The following RNF224 variants were observed in gnomAD, a reference collection of about 807,000 sequenced individuals.
RNF224 encodes ring finger protein 224.
Under a neutral mutation model 2.9 loss-of-function variants are expected in RNF224, and 1 was observed. The ratio of observed to expected loss-of-function variants is 0.35; its 90% confidence interval spans 0.12 to 1.66. The LOEUF is 1.66. Among genes scored for constraint, RNF224 ranks in the 40% most tolerant of loss-of-function variants. The pLI is 0.35. For missense variants in RNF224, 254 were observed against 221.8 expected (o/e 1.15, Z -0.92); for synonymous variants, 116 against 97.6 (o/e 1.19, Z -1.11).
In RNF224 at chr9:137,227,709, G is replaced by C. The variant is rs1320833582; in HGVS notation, c.-337G>C. On this transcript the variant is annotated 5_prime_UTR_variant, in exon 1 of 3. Coordinates refer to ENST00000445101, the MANE Select transcript of RNF224 (RefSeq NM_001190228.2). ...CGCCACCTGGAGTCCATGTGGACTG[G>C]TGCAGCCCTCTGCCGTCCAGCCGGC... 6.6e-6 allele frequency: 1 copy of C among 152,248 alleles called. No homozygotes were observed. The highest frequency in any genetic ancestry group is 1.5e-5 in the Non-Finnish European group (1 of 68,056). The allele number at this position is 152,248 out of a possible 1,614,324, so 9.4% of individuals were successfully genotyped here. A position where few individuals can be genotyped will look rare whatever the true frequency, so the allele number is the denominator to read the frequency against.
chr9:137,229,029 C>T lies in RNF224; in HGVS notation c.414C>T (p.Tyr138=). 6.5e-7 allele frequency: 1 copy of T among 1,535,016 alleles called. No individual in the cohort carries two copies. The highest frequency in any genetic ancestry group is 8.7e-7 in the Non-Finnish European group (1 of 1,146,284). Reference sequence around the variant, plus strand: ...AGCCCCACTTCCCCCAGCCCAGATACTGCTGCTGGGGCTGTGGCAGCCTCT... The same window carrying T: ...AGCCCCACTTCCCCCAGCCCAGATATTGCTGCTGGGGCTGTGGCAGCCTCT... The part of the protein sequence containing the change: ...GPQPHFPQPR[Y]CCWGCGSLCC... Residue 138 remains tyrosine (Y), a synonymous_variant, in exon 3 of 3, where the codon TAC becomes TAT. Coordinates refer to ENST00000445101, the MANE Select transcript of RNF224 (RefSeq NM_001190228.2).
chr9:137,228,986 G>A lies in RNF224; in HGVS notation c.371G>A (p.Cys124Tyr), dbSNP rs1010628476. 7 of 1,535,616 alleles carry A rather than the reference G, an allele frequency of 4.6e-6. No homozygotes were observed. The African/African-American group carries it at 9.6e-5, about 21-fold the overall frequency. The change falls in exon 3 of 3, where the codon TGC becomes TAC. Residue 124 changes from cysteine to tyrosine, a missense_variant. Transcript: ENST00000445101. ...ATCACTCGGCAGCCAGCTGGGCTGT[G>A]CCCTGCCCTGGGACCCCAGCCCCAC... Reference protein sequence around the residue: ...SAITRQPAGLCPALGPQPHFP... With the variant: ...SAITRQPAGLYPALGPQPHFP...
At position 137,228,996 on chromosome 9, in the gene RNF224, G is replaced by C; in HGVS notation, c.381G>C (p.Leu127=). Residue 127 remains leucine, a synonymous_variant, in exon 3 of 3, where the codon CTG becomes CTC. Transcript: ENST00000445101. ...TRQPAGLCPA[L]GPQPHFPQPR... ...AGCCAGCTGGGCTGTGCCCTGCCCTGGGACCCCAGCCCCACTTCCCCCAGC... is the reference window on the plus strand; with the variant it reads ...AGCCAGCTGGGCTGTGCCCTGCCCTCGGACCCCAGCCCCACTTCCCCCAGC... 2 of 1,535,454 alleles carry C rather than the reference G, an allele frequency of 1.3e-6. No homozygotes were observed. Among genetic ancestry groups the C allele is most frequent in the Non-Finnish European group, 1.7e-6 (2 of 1,146,636 alleles).
rs1836072533 is a variant in RNF224 at position 137,229,376 on chromosome 9, A to G, written c.*290A>G. On this transcript the variant is annotated 3_prime_UTR_variant, in exon 3 of 3. Transcript: ENST00000445101. ...TGCCTGGTGAGGACACTGCTGTCTGAGTGGGCGGCAAGCCTGGCTTGGGCC... is the reference window on the plus strand; with the variant it reads ...TGCCTGGTGAGGACACTGCTGTCTGGGTGGGCGGCAAGCCTGGCTTGGGCC... 2.1e-6 allele frequency: 1 copy of G among 481,208 alleles called. No individual in the cohort carries two copies. Among genetic ancestry groups the G allele is most frequent in the East Asian group, 3.6e-5 (1 of 27,884 alleles). The allele number at this position is 481,208 out of a possible 1,614,324, so 29.8% of individuals were successfully genotyped here.
chr9:137,227,533 A>T lies in RNF224; in HGVS notation c.-513A>T, dbSNP rs1188723001. 6.6e-6 allele frequency: 1 copy of T among 152,568 alleles called. No homozygotes were observed. The highest frequency in any genetic ancestry group is 1.5e-5 in the Non-Finnish European group (1 of 68,116). The allele number at this position is 152,568 out of a possible 1,614,324, so 9.5% of individuals were successfully genotyped here. On this transcript the variant is annotated 5_prime_UTR_variant, in exon 1 of 3. Coordinates refer to ENST00000445101, the MANE Select transcript of RNF224 (RefSeq NM_001190228.2). ...GCTCTGCCTGCAGTCTGGTGTGGAC[A>T]CACTGATCATACCTCCCGGAACCTG...
rs754997954 is a variant in RNF224 at position 137,227,551 on chromosome 9, G to A, written c.-495G>A. ...TGTGGACACACTGATCATACCTCCC[G>A]GAACCTGGGCCTCCCAGGGTGGCCT... is the stretch of plus-strand genomic sequence containing the variant. On this transcript the variant is annotated 5_prime_UTR_variant, in exon 1 of 3. Coordinates refer to ENST00000445101, the MANE Select transcript of RNF224 (RefSeq NM_001190228.2). The A allele has an allele frequency of 1.3e-5, 2 of 152,476 alleles. No homozygotes were observed. The highest frequency in any genetic ancestry group is 2.4e-5 in the African/African-American group (1 of 41,428). 9.4% of individuals were successfully genotyped at this position (152,476 alleles called of 1,614,324 possible).
At position 137,228,758 on chromosome 9, in the gene RNF224, G is replaced by A; in HGVS notation, c.143G>A (p.Cys48Tyr). The change falls in exon 3 of 3, where the codon TGC (cysteine) becomes TAC (tyrosine). Residue 48 changes from cysteine (C) to tyrosine (Y), a missense_variant. Transcript: ENST00000445101. ...PRRLYCGHTF[C>Y]QACVRRLDTP... ...CGCCTCTACTGTGGACACACCTTCT[G>A]CCAGGCGTGTGTGCGGCGGCTGGAC... 6.5e-7 allele frequency: 1 copy of A among 1,532,998 alleles called. No homozygotes were observed. The highest frequency in any genetic ancestry group is 1.2e-5 in the South Asian group (1 of 83,886). 95.0% of individuals were successfully genotyped at this position (1,532,998 alleles called of 1,614,324 possible).
At position 137,228,277 on chromosome 9, in the gene RNF224, G is replaced by C. The variant is rs936553153; in HGVS notation, c.-59G>C. 1.3e-6 allele frequency: 2 copies of C among 1,523,200 alleles called. No individual in the cohort carries two copies. The highest frequency in any genetic ancestry group is 1.2e-5 in the South Asian group (1 of 83,476). The allele number at this position is 1,523,200 out of a possible 1,614,324, so 94.4% of individuals were successfully genotyped here. On this transcript the variant is annotated 5_prime_UTR_variant, in exon 2 of 3. Transcript: ENST00000445101. ...CAGGAGGGAGCCGCAGGGCGCCCTG[G>C]GTCCCCCACTCCCTTCTCCGGCCAC... is the stretch of plus-strand genomic sequence containing the variant.
At position 137,228,238 on chromosome 9, in the gene RNF224, C is replaced by T; in HGVS notation, c.-98C>T. The T allele has an allele frequency of 8.0e-7, 1 of 1,246,370 alleles. No individual in the cohort carries two copies. The highest frequency in any genetic ancestry group is 2.1e-5 in the Admixed American group (1 of 48,380). The allele number at this position is 1,246,370 out of a possible 1,614,324, so 77.2% of individuals were successfully genotyped here. On this transcript the variant is annotated 5_prime_UTR_variant, in exon 2 of 3. Transcript: ENST00000445101. The stretch of plus-strand genomic sequence containing the variant: ...CCTCTCTCCTGACTCCCGTGCAAGG[C>T]CAGTAATGCAACCCAGGAGGGAGCC...
rs984942133 is a variant in RNF224, at chr9:137,228,195, G to C, written c.-141G>C. On this transcript the variant is annotated 5_prime_UTR_variant, in exon 2 of 3. Transcript: ENST00000445101. ...GTGGCTGAAACGGGAGCCCACGCCCGCCACAGCTGGCCACCTGCCTCTCTC... is the reference window on the plus strand; with the variant it reads ...GTGGCTGAAACGGGAGCCCACGCCCCCCACAGCTGGCCACCTGCCTCTCTC... 1.3e-6 allele frequency: 1 copy of C among 748,518 alleles called. No individual in the cohort carries two copies. The highest frequency in any genetic ancestry group is 3.0e-5 in the East Asian group (1 of 32,942). The allele number at this position is 748,518 out of a possible 1,614,324, so 46.4% of individuals were successfully genotyped here. A position where few individuals can be genotyped will look rare whatever the true frequency, so the allele number is the denominator to read the frequency against.
rs1362355055 is a variant in RNF224, at chr9:137,228,306, G to A, written c.-30G>A. ...CCCCACTCCCTTCTCCGGCCACCCC[G>A]TGGCTGTGCATAGCTGCCCAGCAGA... On this transcript the variant is annotated 5_prime_UTR_variant, in exon 2 of 3. In the 5' UTR this introduces an upstream ATG that the reference lacks. Transcript: ENST00000445101. The A allele has an allele frequency of 1.2e-5, 19 of 1,528,616 alleles. No individual in the cohort carries two copies. The highest frequency in any genetic ancestry group is 1.5e-5 in the Non-Finnish European group (17 of 1,143,710). The allele number at this position is 1,528,616 out of a possible 1,614,324, so 94.7% of individuals were successfully genotyped here.
Position 137,228,782 on chromosome 9 carries a change from A to G in RNF224, c.167A>G (p.Asp56Gly). 6.5e-7 allele frequency: 1 copy of G among 1,533,272 alleles called. No homozygotes were observed. The highest frequency in any genetic ancestry group is 8.7e-7 in the Non-Finnish European group (1 of 1,145,410). 95.0% of individuals were successfully genotyped at this position (1,533,272 alleles called of 1,614,324 possible). The part of the protein sequence containing the change: ...TFCQACVRRL[D>G]TPAPEQRWIP... ...TGCCAGGCGTGTGTGCGGCGGCTGG[A>G]CACACCGGCGCCCGAGCAGCGCTGG... The change falls in exon 3 of 3, where the codon GAC becomes GGC. Residue 56 changes from aspartate to glycine, a missense_variant. Asp to Gly is a moderately conservative substitution (Grantham distance 94). Coordinates refer to ENST00000445101, the MANE Select transcript of RNF224 (RefSeq NM_001190228.2).
Position 137,228,637 on chromosome 9 carries a change from G to A in RNF224, c.22G>A (p.Gly8Arg). 6.9e-7 allele frequency: 1 copy of A among 1,441,910 alleles called. No individual in the cohort carries two copies. Among genetic ancestry groups the A allele is most frequent in the Non-Finnish European group, 9.1e-7 (1 of 1,099,766 alleles). 89.3% of individuals were successfully genotyped at this position (1,441,910 alleles called of 1,614,324 possible). MQDAAAG[G>R]PPGLGGGGPP... ...CCTCTGGCAGGATGCTGCAGCCGGA[G>A]GGCCCCCAGGCCTCGGAGGAGGGGG... The change falls in exon 3 of 3, where the codon GGG (glycine) becomes AGG (arginine). Residue 8 changes from glycine (G) to arginine (R), a missense_variant. Gly to Arg is a moderately radical substitution (Grantham distance 125). Transcript: ENST00000445101.
In RNF224 at chr9:137,228,507, G is replaced by A. The variant is rs527486448; in HGVS notation, c.7-115G>A. The A allele has an allele frequency of 3.9e-5, 42 of 1,088,646 alleles. 2 individuals are homozygous for A. The South Asian group carries it at 4.7e-4, about 12-fold the overall frequency. 67.4% of individuals were successfully genotyped at this position (1,088,646 alleles called of 1,614,324 possible). A position where few individuals can be genotyped will look rare whatever the true frequency, so the allele number is the denominator to read the frequency against. ...GCCACGCTCCCTCCCAGGTCTGCAC[G>A]CACCACCCCCACAGACCCAGCGCCT... On this transcript the variant is annotated intron_variant, in intron 2 of 2. Transcript: ENST00000445101.
rs1367258652 is a variant in RNF224 at position 137,228,933 on chromosome 9, G to T, written c.318G>T (p.Leu106=). The part of the protein sequence containing the change: ...AEREPARLEP[L]PLTSLKGSAI... ...GGGAGCCGGCAAGACTAGAACCCCT[G>T]CCCCTCACCTCCCTCAAAGGCAGCG... The change falls in exon 3 of 3, where the codon CTG becomes CTT. Residue 106 remains leucine, a synonymous_variant. Coordinates refer to ENST00000445101, the MANE Select transcript of RNF224 (RefSeq NM_001190228.2). 3 of 1,535,736 alleles carry T rather than the reference G, an allele frequency of 2.0e-6. No homozygotes were observed. The highest frequency in any genetic ancestry group is 2.6e-6 in the Non-Finnish European group (3 of 1,146,824).
In RNF224 at chr9:137,228,664, C is replaced by A; in HGVS notation, c.49C>A (p.Pro17Thr). The A allele has an allele frequency of 6.8e-7, 1 of 1,461,238 alleles. No homozygotes were observed. Among genetic ancestry groups the A allele is most frequent in the Non-Finnish European group, 9.0e-7 (1 of 1,106,884 alleles). 90.5% of individuals were successfully genotyped at this position (1,461,238 alleles called of 1,614,324 possible). The part of the protein sequence containing the change: ...GGPPGLGGGG[P>T]PEERTDCIIC... The stretch of plus-strand genomic sequence containing the variant: ...GCCCCCAGGCCTCGGAGGAGGGGGG[C>A]CCCCGGAGGAGAGGACAGACTGCAT... Residue 17 changes from proline (P) to threonine (T), a missense_variant, in exon 3 of 3, where the codon CCC becomes ACC. Physicochemically the swap from Pro to Thr is conservative, Grantham distance 38. Coordinates refer to ENST00000445101, the MANE Select transcript of RNF224 (RefSeq NM_001190228.2).
chr9:137,228,786 AC>A lies in RNF224; in HGVS notation c.173del (p.Pro58ArgfsTer27). The A allele has an allele frequency of 6.5e-7, 1 of 1,533,594 alleles. No individual in the cohort carries two copies. Among genetic ancestry groups the A allele is most frequent in the Non-Finnish European group, 8.7e-7 (1 of 1,145,612 alleles). 95.0% of individuals were successfully genotyped at this position (1,533,594 alleles called of 1,614,324 possible). ...CQACVRRLDT[P>X]APEQRWIPCP... Reference sequence around the variant, plus strand: ...AGGCGTGTGTGCGGCGGCTGGACACACCGGCGCCCGAGCAGCGCTGGATCCC... The same window carrying A: ...AGGCGTGTGTGCGGCGGCTGGACACACGGCGCCCGAGCAGCGCTGGATCCC... On this transcript the variant is annotated frameshift_variant, in exon 3 of 3. Transcript: ENST00000445101. LOFTEE classifies it low-confidence loss of function (END_TRUNC).
At position 137,229,137 on chromosome 9, in the gene RNF224, G is replaced by A. The variant is rs1016789005; in HGVS notation, c.*51G>A. 9.2e-7 allele frequency: 1 copy of A among 1,089,982 alleles called. No individual in the cohort carries two copies. The highest frequency in any genetic ancestry group is 2.1e-5 in the Admixed American group (1 of 46,552). The allele number at this position is 1,089,982 out of a possible 1,614,324, so 67.5% of individuals were successfully genotyped here. ...GGGAAATGCCTGCCTTGGAACCCCT[G>A]ACCACACACCATCATGGGTTCAGCC... On this transcript the variant is annotated 3_prime_UTR_variant, in exon 3 of 3. Coordinates refer to ENST00000445101, the MANE Select transcript of RNF224 (RefSeq NM_001190228.2).
At position 137,228,881 on chromosome 9, in the gene RNF224, C is replaced by T. The variant is rs1003424591; in HGVS notation, c.266C>T (p.Ala89Val). ...GTGGCCATGCTAGACCTGGACCTGG[C>T]TGCTTTCCTGGCGGTCAAGGCTGAG... ...GGVAMLDLDL[A>V]AFLAVKAERE... Residue 89 changes from alanine (A) to valine (V), a missense_variant, in exon 3 of 3, where the codon GCT (alanine) becomes GTT (valine). Coordinates refer to ENST00000445101, the MANE Select transcript of RNF224 (RefSeq NM_001190228.2). 3 of 1,535,636 alleles carry T rather than the reference C, an allele frequency of 2.0e-6. No homozygotes were observed. The highest frequency in any genetic ancestry group is 3.9e-5 in the Admixed American group (2 of 50,984).
Sources: gnomAD v4.1 joint callset for allele counts on GRCh38, gnomAD v4.1.1 for gene constraint, MANE v1.5 for transcripts, NCBI Gene and HGNC (gene_info 2026-07-23, HGNC 2026-07-21) for gene names.